KNTC1: variants seen among roughly 807,000 people sequenced by gnomAD.
KNTC1 encodes kinetochore-associated protein 1.
KNTC1 carries 253 observed loss-of-function variants against 314.4 expected under a neutral mutation model. The ratio of observed to expected loss-of-function variants is 0.80; its 90% CI spans 0.73 to 0.89. The LOEUF (loss-of-function observed/expected upper bound fraction) is 0.89, where lower values mean the gene tolerates loss of function less well. Ranked by LOEUF, KNTC1 falls within the 40% of genes least tolerant of loss-of-function variation. KNTC1 has a pLI of 0.00. For missense variants in KNTC1, 2,475 were observed against 2,572.9 expected, an observed-to-expected ratio of 0.96 and a Z score of 0.82; for synonymous variants, 901 against 901.4, an observed-to-expected ratio of 1.00 and a Z score of 0.01.
At chr12:122,609,510 T>G (rs942587064) in intron 52 of KNTC1, 80 bp downstream of exon 52, 1 of 953,092 alleles carries the variant, frequency 1.0e-6, no homozygotes, top group Non-Finnish European at 1.6e-6. Flanking sequence ...CAGCAGTTGA[T>G]TTTTTTAAAG....
chr12:122,562,168 A>C (rs980135111), intron 19 of KNTC1, among the ~76,000 whole-genome samples, 194 bp downstream of exon 19: 1 of 152,226 alleles, frequency 6.6e-6, no homozygotes, highest in East Asian at 1.9e-4. Flanking sequence ...AATTCATATA[A>C]ACTGTTGTAC....
intron 44 of KNTC1, among the ~76,000 whole-genome samples, chr12:122,601,018 A>G (rs1871806658): frequency 6.6e-6 from 1 of 152,086 alleles, no homozygotes; most frequent in African/African-American, 2.4e-5. Context: ...ACCTTTTTTT[A>G]GCATGTATGT....
chr12:122,599,140 T>G (rs981521896), intron 44 of KNTC1, among the ~76,000 whole-genome samples: 2 of 151,604 alleles, frequency 1.3e-5, no homozygotes, highest in Non-Finnish European at 2.9e-5. Context: ...TGTTTTTTAG[T>G]TTTTTTTAAG....
At chr12:122,532,206 C>CTT (rs139344183) in intron 2 of KNTC1, among the ~76,000 whole-genome samples, 119 of 99,514 alleles carry the variant, frequency 1.2e-3, no homozygotes, top group South Asian at 2.2e-3. Flanking sequence ...GCTAATTTTT[C>CTT]TTTTTTTTTT....
At chr12:122,603,376 C>A in intron 48 of KNTC1, 133 bp downstream of exon 48, 1 of 719,214 alleles carries the variant, frequency 1.4e-6, no homozygotes. Context: ...TGCTGAAACG[C>A]TCAAGGGCAG....
intron 43 of KNTC1, among the ~76,000 whole-genome samples, chr12:122,596,450 C>G (rs540895603): frequency 1.7e-4 from 26 of 151,722 alleles, no homozygotes; most frequent in Non-Finnish European, 3.1e-4. Context: ...AACTCCTGAC[C>G]TCGTGATCCA....
At chr12:122,610,040 A>G (rs1872955092) in intron 52 of KNTC1, among the ~76,000 whole-genome samples, 1 of 152,204 alleles carries the variant, frequency 6.6e-6, no homozygotes, top group Admixed American at 6.5e-5. Context: ...GGGAGGCCCT[A>G]TGTCCAGCCT....
intron 57 of KNTC1, among the ~76,000 whole-genome samples, chr12:122,615,975 A>G (rs1054337262): frequency 6.6e-6 from 1 of 152,124 alleles, no homozygotes; most frequent in Non-Finnish European, 1.5e-5. Flanking sequence ...GACTTTTGTC[A>G]CCATATAATT....
chr12:122,624,666 C>G lies in KNTC1; in HGVS notation c.6584C>G (p.Thr2195Ser). ...KHCGKPVPPD[T>S]APCEILKMFL... The stretch of plus-strand genomic sequence containing the variant: ...TGCGGGAAACCTGTGCCTCCAGACA[C>G]TGCTCCCTGTGAAATTCTGAAGGTA... Residue 2195 changes from threonine to serine, a missense_variant, in exon 63 of 64, where the codon ACT becomes AGT. Physicochemically the swap from Thr to Ser is moderately conservative, Grantham distance 58 (BLOSUM62 1). Transcript: ENST00000333479. 6.2e-7 allele frequency: 1 copy of G among 1,613,120 alleles called. No homozygotes were observed.
In KNTC1 at chr12:122,549,832, G is replaced by GTT. The variant is rs1963064485; in HGVS notation, c.1056_1057dup (p.Ser353PhefsTer17). Reference sequence around the variant, plus strand: ...ACTATATTCTTTGGAAGTATCTAGTGTTTCTTCTCTGGTCCAAACAGGAAT... The same window carrying GTT: ...ACTATATTCTTTGGAAGTATCTAGTGTTTTTCTTCTCTGGTCCAAACAGGAAT... On this transcript the variant is annotated frameshift_variant, in exon 13 of 64. Transcript: ENST00000333479. LOFTEE classifies it high-confidence loss of function. The GTT allele has an allele frequency of 6.4e-7, 1 of 1,571,014 alleles. No homozygotes were observed. Among genetic ancestry groups the GTT allele is most frequent in the Non-Finnish European group, 8.7e-7 (1 of 1,150,066 alleles).
intron 2 of KNTC1, among the ~76,000 whole-genome samples, chr12:122,531,213 C>T (rs939904197): frequency 6.6e-6 from 1 of 151,850 alleles, no homozygotes; most frequent in African/African-American, 2.4e-5. Flanking sequence ...ATTCTTTATG[C>T]AGCTTTAAGC....
intron 31 of KNTC1, 108 bp downstream of exon 31, chr12:122,577,899 C>T: frequency 1.4e-5 from 13 of 942,118 alleles, no homozygotes; most frequent in Non-Finnish European, 1.8e-5. Context: ...CTTCTCACTG[C>T]TAGGGTGGCC....
chr12:122,540,419 G>A (rs960321491), intron 5 of KNTC1, among the ~76,000 whole-genome samples: 7 of 151,874 alleles, frequency 4.6e-5, no homozygotes, highest in South Asian at 2.1e-4. Context: ...TGATCTGCCC[G>A]CCTCAGGTGA....
At position 122,602,571 on chromosome 12, in the gene KNTC1, A is replaced by G. The variant is rs1234334899; in HGVS notation, c.4656A>G (p.Ala1552=). 1.3e-5 allele frequency: 20 copies of G among 1,598,914 alleles called. No individual in the cohort carries two copies. Among genetic ancestry groups the G allele is most frequent in the Non-Finnish European group, 1.6e-5 (19 of 1,168,802 alleles). ...EKITNININQ[A]LSILKHLKSY... is the part of the protein sequence containing the mutation. The stretch of plus-strand genomic sequence containing the variant: ...AAAAGTTTTTTATTTTAATATAGGC[A>G]TTGAGTATTCTGAAACATTTGAAGT... Residue 1552 remains alanine (A), a splice_region_variant and synonymous_variant, in exon 46 of 64, where the codon GCA becomes GCG. Transcript: ENST00000333479.
At chr12:122,619,844 A>G (rs894665208) in intron 59 of KNTC1, among the ~76,000 whole-genome samples, 4 of 152,092 alleles carry the variant, frequency 2.6e-5, no homozygotes, top group Non-Finnish European at 5.9e-5. Flanking sequence ...TTTGGTGACT[A>G]CCCTAAATCA....
intron 61 of KNTC1, 65 bp downstream of exon 61, chr12:122,622,035 C>T: frequency 8.7e-7 from 1 of 1,143,538 alleles, no homozygotes; most frequent in Non-Finnish European, 1.3e-6. Flanking sequence ...GTCATTTTCC[C>T]AAACCAAGAG....
chr12:122,589,828 G>A (rs1869925167), intron 40 of KNTC1, among the ~76,000 whole-genome samples: 2 of 126,360 alleles, frequency 1.6e-5, no homozygotes. Context: ...CTCTCATCCA[G>A]GCTGGAGTGC....
chr12:122,574,258 A>G lies in KNTC1; in HGVS notation c.2284-24A>G, dbSNP rs905378278. 1.8e-5 allele frequency: 25 copies of G among 1,402,618 alleles called. 1 individual carries two copies. In the East Asian group the frequency reaches 2.1e-4, roughly 12 times the overall value. 86.9% of individuals were successfully genotyped at this position (1,402,618 alleles called of 1,614,324 possible). A position where few individuals can be genotyped will look rare whatever the true frequency, so the allele number is the denominator to read the frequency against. ...AATGAGAATTTTTAATTTTTAAAAA[A>G]CATACATGTTTATCCCTTTTTAGGA... On this transcript the variant is annotated intron_variant, in intron 26 of 63. Coordinates refer to ENST00000333479, the MANE Select transcript of KNTC1 (RefSeq NM_014708.6).
chr12:122,549,846 C>T lies in KNTC1; in HGVS notation c.1068C>T (p.Val356=). 3 of 1,555,202 alleles carry T rather than the reference C, an allele frequency of 1.9e-6. No individual in the cohort carries two copies. Among genetic ancestry groups the T allele is most frequent in the Admixed American group, 1.8e-5 (1 of 56,338 alleles). ...AAGTATCTAGTGTTTCTTCTCTGGT[C>T]CAAACAGGAATTAGCACAGTAAGTT... ...SLEVSSVSSL[V]QTGISTDTIY... is the part of the protein sequence containing the mutation. Residue 356 remains valine (V), a synonymous_variant, in exon 13 of 64, where the codon GTC becomes GTT. Transcript: ENST00000333479.
Sources: allele counts gnomAD v4.1 joint callset (sites outside exome capture counted in the v4.1 genomes callset), GRCh38; gene constraint gnomAD v4.1.1; transcripts MANE v1.5; gene names NCBI Gene and HGNC (gene_info 2026-07-23, HGNC 2026-07-21).